Variants in SYNE1 observed in about 807,000 individuals in gnomAD.
SYNE1 encodes the protein spectrin repeat containing nuclear envelope protein 1, also known as nesprin-1.
A neutral mutation model predicts 1,111.0 loss-of-function variants in SYNE1; 616 were observed. That is an observed-to-expected ratio of 0.55 (90% CI 0.52 to 0.59). The LOEUF (loss-of-function observed/expected upper bound fraction) is 0.59. Ranked by LOEUF, SYNE1 falls within the 20% of genes least tolerant of loss-of-function variation. The pLI is 0.00. For missense variants in SYNE1, 10,006 were observed against 10,417.0 expected, an observed-to-expected ratio of 0.96 and a Z score of 1.72; for synonymous variants, 3,855 against 3,825.8, an observed-to-expected ratio of 1.01 and a Z score of -0.28.
chr6:152,223,762 C>T lies in SYNE1; in HGVS notation c.21522+732G>A, dbSNP rs553336913. On this transcript the variant is annotated intron_variant, in intron 117 of 145. Coordinates refer to ENST00000367255, the MANE Select transcript of SYNE1 (RefSeq NM_182961.4). ...AGGCGGACTAGATATTAGCAGGGCACATGCTGGTCTCTTGTTGGCCTCCCA... is the reference window on the plus strand; with the variant it reads ...AGGCGGACTAGATATTAGCAGGGCATATGCTGGTCTCTTGTTGGCCTCCCA... Among the ~76,000 whole-genome samples, 6 of 152,308 alleles carry T rather than the reference C, an allele frequency of 3.9e-5. 1 individual carries two copies. The South Asian group carries it at 1.2e-3, about 32-fold the overall frequency.
chr6:152,188,249 G>A (rs992347859), intron 128 of SYNE1, among the ~76,000 whole-genome samples: 1 of 152,136 alleles, frequency 6.6e-6, no homozygotes, highest in Non-Finnish European at 1.5e-5. Flanking sequence ...GGGTATAGAA[G>A]TAACAAAGAC....
At chr6:152,364,435 T>C (rs1230988484) in intron 63 of SYNE1, among the ~76,000 whole-genome samples, 1 of 140,970 alleles carries the variant, frequency 7.1e-6, no homozygotes, top group Non-Finnish European at 1.5e-5. Context: ...TTAATCCTTA[T>C]ATTTTTACAT....
chr6:152,357,134 T>C (rs1350176597), intron 66 of SYNE1, among the ~76,000 whole-genome samples: 2 of 152,190 alleles, frequency 1.3e-5, no homozygotes, highest in African/African-American at 4.8e-5. Context: ...ACTTACTTCA[T>C]GAGTAGACCG....
chr6:152,619,551 A>C (rs2099670779), intron 3 of SYNE1, among the ~76,000 whole-genome samples: 2 of 152,194 alleles, frequency 1.3e-5, no homozygotes, highest in African/African-American at 4.8e-5. Flanking sequence ...CTAATTAAAC[A>C]ATGATGAAAG....
intron 128 of SYNE1, among the ~76,000 whole-genome samples, chr6:152,187,128 T>G (rs976746743): frequency 6.6e-6 from 1 of 152,186 alleles, no homozygotes; most frequent in Admixed American, 6.5e-5. Flanking sequence ...CAAATTCATT[T>G]TGAACTCAAA....
chr6:152,225,030 A>G (rs910897517), intron 116 of SYNE1, among the ~76,000 whole-genome samples: 2 of 149,452 alleles, frequency 1.3e-5, no homozygotes, highest in African/African-American at 4.9e-5. Context: ...AAAACAGTTT[A>G]AGAATTGTAT....
intron 3 of SYNE1, among the ~76,000 whole-genome samples, chr6:152,605,021 A>AGG (rs1565140759): frequency 4.4e-5 from 3 of 68,302 alleles, no homozygotes; most frequent in African/African-American, 2.1e-4. Context: ...AGAGAGAGAG[A>AGG]GAGAGAGAGA....
chr6:152,599,904 G>A (rs1423303839), intron 3 of SYNE1, among the ~76,000 whole-genome samples: 1 of 152,194 alleles, frequency 6.6e-6, no homozygotes, highest in Non-Finnish European at 1.5e-5. Context: ...ATGATATCTG[G>A]TAGGTGAAAT....
chr6:152,250,083 T>A (rs2088670777), intron 104 of SYNE1, among the ~76,000 whole-genome samples: 1 of 151,752 alleles, frequency 6.6e-6, no homozygotes. Context: ...GGCAACACAG[T>A]GCACCCGGTC....
rs372368464 is a variant in SYNE1, at chr6:152,302,009, T to G, written c.17401A>C (p.Lys5801Gln). 7 of 1,614,110 alleles carry G rather than the reference T, an allele frequency of 4.3e-6. No homozygotes were observed. Among genetic ancestry groups the G allele is most frequent in the Non-Finnish European group, 5.9e-6 (7 of 1,180,046 alleles). ...GCTTTCATCGTCAGCATCTTGCACTTGGAATTCAAAGAAGCGATCTGCTCC... is the reference window on the plus strand; with the variant it reads ...GCTTTCATCGTCAGCATCTTGCACTGGGAATTCAAAGAAGCGATCTGCTCC... ...YQEQIASLNS[K>Q]CKMLTMKAKH... Residue 5801 changes from lysine (K) to glutamine (Q), a missense_variant, in exon 92 of 146, where the codon AAG becomes CAG. Lys to Gln is a moderately conservative substitution (Grantham distance 53, BLOSUM62 1). This residue lies in a region of SYNE1 where 4,955 missense variants were observed against 5,017.2 expected (regional missense o/e 0.99). Transcript: ENST00000367255.
chr6:152,122,615 C>G lies in SYNE1; in HGVS notation c.26215G>C (p.Gly8739Arg). The change falls in exon 146 of 146, where the codon GGC (glycine) becomes CGC (arginine). Residue 8739 changes from glycine to arginine, a missense_variant. Physicochemically the swap from Gly to Arg is moderately radical, Grantham distance 125. Around this residue, in one of 7 missense-constraint regions of SYNE1, gnomAD observed 761 missense variants for 795.5 expected, o/e 0.96. Coordinates refer to ENST00000367255, the MANE Select transcript of SYNE1 (RefSeq NM_182961.4). Reference sequence around the variant, plus strand: ...GCTCGGAGGACTCTGAACAGGAAGCCGCGGCCGGACCGACCTGGCCCTGGC... The same window carrying G: ...GCTCGGAGGACTCTGAACAGGAAGCGGCGGCCGGACCGACCTGGCCCTGGC... ...SEPGPGRSGRGFLFRVLRAAL... is the reference protein window; with the variant it reads ...SEPGPGRSGRRFLFRVLRAAL... 6.2e-7 allele frequency: 1 copy of G among 1,614,142 alleles called. No homozygotes were observed. Among genetic ancestry groups the G allele is most frequent in the South Asian group, 1.1e-5 (1 of 91,086 alleles).
chr6:152,368,020 T>TA (rs2097110978), intron 61 of SYNE1: 1 of 154,506 alleles, frequency 6.5e-6, no homozygotes, highest in South Asian at 2.0e-4. Context: ...CCAGATTTTA[T>TA]AAAAACATCC....
At chr6:152,317,748 C>T (rs534438712) in intron 86 of SYNE1, among the ~76,000 whole-genome samples, 3 of 152,284 alleles carry the variant, frequency 2.0e-5, no homozygotes, top group East Asian at 1.9e-4. Flanking sequence ...CTTAAAGGTA[C>T]TTGAATTCAC....
chr6:152,411,545 A>G (rs2098041834), intron 42 of SYNE1, among the ~76,000 whole-genome samples: 1 of 152,204 alleles, frequency 6.6e-6, no homozygotes, highest in Non-Finnish European at 1.5e-5. Flanking sequence ...AATCACCCAA[A>G]TCGGCCAACT....
intron 87 of SYNE1, among the ~76,000 whole-genome samples, chr6:152,311,932 C>T (rs1012852206): frequency 4.6e-5 from 7 of 151,856 alleles, no homozygotes; most frequent in African/African-American, 1.4e-4. Context: ...CCCAGGTGCC[C>T]GCCACCACGC....
intron 67 of SYNE1, 25 bp from the exon 68 acceptor site, chr6:152,353,769 A>G: frequency 6.2e-7 from 1 of 1,613,042 alleles, no homozygotes; most frequent in Non-Finnish European, 8.5e-7. Flanking sequence ...TATCGAAGGG[A>G]AAGATTCAAT....
intron 122 of SYNE1, among the ~76,000 whole-genome samples, chr6:152,214,310 T>C (rs76412176): frequency 0.024 from 3,674 of 152,008 alleles, 60 homozygotes; most frequent in Non-Finnish European, 0.029. Flanking sequence ...CTTAAAAGAG[T>C]TTTCTGATTA....
chr6:152,589,343 C>T (rs2099550968), intron 3 of SYNE1, among the ~76,000 whole-genome samples: 1 of 152,064 alleles, frequency 6.6e-6, no homozygotes, highest in South Asian at 2.1e-4. Flanking sequence ...CTCAGAAAAC[C>T]ATTTTCTACC....
intron 115 of SYNE1, among the ~76,000 whole-genome samples, chr6:152,226,786 T>C (rs866105739): frequency 1.3e-5 from 2 of 152,268 alleles, no homozygotes; most frequent in South Asian, 4.1e-4. Flanking sequence ...TTGGAGCCTA[T>C]GGACTCCCAG....
Sources: gnomAD v4.1 joint callset for allele counts (sites outside exome capture counted in the v4.1 genomes callset) on GRCh38, gnomAD v4.1.1 for gene constraint, gnomAD v4.1.1 regional missense constraint, MANE v1.5 for transcripts, NCBI Gene and HGNC (gene_info 2026-07-23, HGNC 2026-07-21) for gene names.